The following AHDC1 variants were observed in gnomAD, a reference collection of about 807,000 sequenced individuals.
The protein encoded by AHDC1 is transcription factor Gibbin.
AHDC1 carries 7 observed loss-of-function variants against 87.9 expected under a neutral mutation model. The observed-to-expected ratio is 0.08, with a 90% CI of 0.05 to 0.15. The LOEUF (loss-of-function observed/expected upper bound fraction) is 0.15. Among genes scored for constraint, AHDC1 ranks in the 10% least tolerant of loss-of-function variants. The pLI is 1.00. For synonymous variants in AHDC1, 1,051 were observed against 1,006.8 expected (o/e 1.04, Z -0.83); for missense variants, 1,841 against 2,253.2 (o/e 0.82, Z 3.70).
At position 27,551,247 on chromosome 1, in the gene AHDC1, G is replaced by A. The variant is rs2019539750; in HGVS notation, c.869C>T (p.Pro290Leu). 2 of 1,609,808 alleles carry A rather than the reference G, an allele frequency of 1.2e-6. No individual in the cohort carries two copies. The highest frequency in any genetic ancestry group is 1.7e-6 in the Non-Finnish European group (2 of 1,179,674). Residue 290 changes from proline (P) to leucine (L), a missense_variant, in exon 8 of 9, where the codon CCG (proline) becomes CTG (leucine). Around this residue, in one of 13 missense-constraint regions of AHDC1, gnomAD observed 370 missense variants for 391.5 expected, o/e 0.95. Coordinates refer to ENST00000673934, the MANE Select transcript of AHDC1 (RefSeq NM_001371928.1). The stretch of plus-strand genomic sequence containing the variant: ...TGGCAGCTCCAGAGCTTCCCCGAGC[G>A]GCTCTAGTGCCTGCGGGTCCAGGAA... Reference protein sequence around the residue: ...PRFLDPQALEPLGEALELPPL... With the variant: ...PRFLDPQALELLGEALELPPL...
chr1:27,592,922 G>T (rs1310439268), intron 3 of AHDC1, among the ~76,000 whole-genome samples: 2 of 152,168 alleles, frequency 1.3e-5, no homozygotes, highest in African/African-American at 4.8e-5. Flanking sequence ...CAGCAGACGA[G>T]GAGGCGCAGG....
At position 27,562,283 on chromosome 1, in the gene AHDC1, G is replaced by A. The variant is rs114123741; in HGVS notation, c.-628-3400C>T. ...CGAGCCTGGGAGAGATAACAGGCCC[G>A]AATAGTGCTGACTTGCGGTTCAGAA... is the stretch of plus-strand genomic sequence containing the variant. On this transcript the variant is annotated intron_variant, in intron 3 of 8. Transcript: ENST00000673934. The surrounding 1 kb of genome is among the most constrained non-coding windows in gnomAD (Gnocchi z 4.4). Among the ~76,000 whole-genome samples, 1,378 of 152,232 alleles carry A rather than the reference G, an allele frequency of 9.1e-3. 20 individuals carry two copies. The highest frequency in any genetic ancestry group is 0.031 in the African/African-American group (1,289 of 41,546).
chr1:27,589,204 G>C (rs540231566), intron 3 of AHDC1, among the ~76,000 whole-genome samples: 82 of 152,270 alleles, frequency 5.4e-4, no homozygotes, highest in African/African-American at 1.9e-3. Flanking sequence ...CATGTCCCTA[G>C]GCAGGGAGGT....
In AHDC1 at chr1:27,549,115, C is replaced by A. The variant is rs772318314; in HGVS notation, c.3001G>T (p.Ala1001Ser). Residue 1001 changes from alanine to serine, a missense_variant, in exon 8 of 9, where the codon GCC becomes TCC. Transcript: ENST00000673934. ...DCANSKDCSF[A>S]YGSGNSLPAS... is the part of the protein sequence containing the mutation. Reference sequence around the variant, plus strand: ...GGGAGGCTGTTGCCACTGCCATAGGCGAAGCTGCAGTCCTTGCTGTTAGCG... The same window carrying A: ...GGGAGGCTGTTGCCACTGCCATAGGAGAAGCTGCAGTCCTTGCTGTTAGCG... The A allele has an allele frequency of 3.9e-6, 6 of 1,552,394 alleles. No individual in the cohort carries two copies. Among genetic ancestry groups the A allele is most frequent in the Non-Finnish European group, 5.2e-6 (6 of 1,147,704 alleles).
At chr1:27,592,431 CAGG>C (rs1381129546) in intron 3 of AHDC1, among the ~76,000 whole-genome samples, 4 of 152,162 alleles carry the variant, frequency 2.6e-5, no homozygotes, top group Non-Finnish European at 5.9e-5. Flanking sequence ...GGGTGGGGGA[CAGG>C]AGATGGGGAG....
intron 3 of AHDC1, among the ~76,000 whole-genome samples, chr1:27,600,466 A>T (rs562080363): frequency 1.3e-5 from 2 of 151,862 alleles, no homozygotes; most frequent in Non-Finnish European, 2.9e-5. Context: ...ACAAACCAAA[A>T]AAAAAAAACA....
At position 27,549,507 on chromosome 1, in the gene AHDC1, G is replaced by A. The variant is rs1034800628; in HGVS notation, c.2609C>T (p.Thr870Ile). The A allele has an allele frequency of 7.4e-6, 12 of 1,613,180 alleles. No individual in the cohort carries two copies. The highest frequency in any genetic ancestry group is 1.0e-5 in the Non-Finnish European group (12 of 1,179,986). Reference sequence around the variant, plus strand: ...GGCACTGGTGGGTGGCCCTGCATAGGTGCCCGATGCCTTCCGGGACTCTGG... The same window carrying A: ...GGCACTGGTGGGTGGCCCTGCATAGATGCCCGATGCCTTCCGGGACTCTGG... ...SRPESRKASGTYAGPPTSALP... is the reference protein window; with the variant it reads ...SRPESRKASGIYAGPPTSALP... Residue 870 changes from threonine to isoleucine, a missense_variant, in exon 8 of 9, where the codon ACC becomes ATC. By Grantham distance (89) the Thr-to-Ile change is moderately conservative. This residue lies in a region of AHDC1 where 378 missense variants were observed against 399.0 expected (regional missense o/e 0.95). Transcript: ENST00000673934.
intron 3 of AHDC1, among the ~76,000 whole-genome samples, chr1:27,579,104 G>A (rs1442975564): frequency 6.6e-6 from 1 of 150,878 alleles, no homozygotes; most frequent in African/African-American, 2.4e-5. Context: ...GAGTGCAGCG[G>A]TATAATCACA....
chr1:27,569,270 T>C (rs1571289340), intron 3 of AHDC1, among the ~76,000 whole-genome samples: 1 of 152,082 alleles, frequency 6.6e-6, no homozygotes, highest in East Asian at 1.9e-4. Flanking sequence ...CAATAAGGCT[T>C]GTTAAGGTTA....
At chr1:27,591,129 T>A (rs957854210) in intron 3 of AHDC1, among the ~76,000 whole-genome samples, 1 of 152,154 alleles carries the variant, frequency 6.6e-6, no homozygotes, top group African/African-American at 2.4e-5. Context: ...CCCAATGGGT[T>A]CCAAAGGGAG....
chr1:27,556,997 C>T (rs1340191625), intron 5 of AHDC1, among the ~76,000 whole-genome samples: 1 of 145,614 alleles, frequency 6.9e-6, no homozygotes, highest in Non-Finnish European at 1.5e-5. Flanking sequence ...CCCCCCACAG[C>T]ACAGCACAGC....
Position 27,551,987 on chromosome 1 carries a change from G to A in AHDC1, c.129C>T (p.Pro43=), listed in dbSNP as rs754191469. 9 of 1,473,070 alleles carry A rather than the reference G, an allele frequency of 6.1e-6. No individual in the cohort carries two copies. The highest frequency in any genetic ancestry group is 2.5e-5 in the East Asian group (1 of 40,764). 91.2% of individuals were successfully genotyped at this position (1,473,070 alleles called of 1,614,324 possible). The change falls in exon 8 of 9, where the codon CCC becomes CCT. Residue 43 remains proline, a synonymous_variant. Coordinates refer to ENST00000673934, the MANE Select transcript of AHDC1 (RefSeq NM_001371928.1). ...AGGCCTTGTCAGGTGGGCTGGCAGGGGGCCGGGTGGGAAGCAGGGGCCGGG... is the reference window on the plus strand; with the variant it reads ...AGGCCTTGTCAGGTGGGCTGGCAGGAGGCCGGGTGGGAAGCAGGGGCCGGG... ...PTPRPLLPTR[P]PASPPDKAFS... is the part of the protein sequence containing the mutation.
Position 27,551,057 on chromosome 1 carries a change from G to C in AHDC1, c.1059C>G (p.Pro353=). Residue 353 remains proline, a synonymous_variant, in exon 8 of 9, where the codon CCC becomes CCG. Coordinates refer to ENST00000673934, the MANE Select transcript of AHDC1 (RefSeq NM_001371928.1). ...VPGRRLEPQQ[P]LGHCPLAEPL... Reference sequence around the variant, plus strand: ...GCTCGGCCAGTGGGCAGTGCCCCAGGGGCTGCTGGGGCTCCAGACGGCGAC... The same window carrying C: ...GCTCGGCCAGTGGGCAGTGCCCCAGCGGCTGCTGGGGCTCCAGACGGCGAC... The C allele has an allele frequency of 6.4e-7, 1 of 1,557,986 alleles. No homozygotes were observed. The highest frequency in any genetic ancestry group is 8.7e-7 in the Non-Finnish European group (1 of 1,153,892).
intron 3 of AHDC1, among the ~76,000 whole-genome samples, chr1:27,569,652 C>G (rs888290588): frequency 1.3e-5 from 2 of 152,198 alleles, no homozygotes; most frequent in African/African-American, 2.4e-5. Flanking sequence ...AGCCCTGATG[C>G]TGGCCGTCAG....
At chr1:27,594,480 C>T (rs1472551566) in intron 3 of AHDC1, among the ~76,000 whole-genome samples, 1 of 152,220 alleles carries the variant, frequency 6.6e-6, no homozygotes, top group Admixed American at 6.5e-5. Flanking sequence ...TGACCAGGTG[C>T]CAAGGGGCTC....
chr1:27,583,131 G>A (rs971522648), intron 3 of AHDC1, among the ~76,000 whole-genome samples: 2 of 152,142 alleles, frequency 1.3e-5, no homozygotes, highest in Non-Finnish European at 2.9e-5. Flanking sequence ...ACCTCCCAAA[G>A]TGCTGGGATT....
Position 27,595,012 on chromosome 1 carries a change from C to T in AHDC1, c.-629+8385G>A, listed in dbSNP as rs2089329156. Among the ~76,000 whole-genome samples the T allele has an allele frequency of 6.6e-6, 1 of 151,852 alleles. No individual in the cohort carries two copies. Among genetic ancestry groups the T allele is most frequent in the South Asian group, 2.1e-4 (1 of 4,816 alleles). ...CTGTCTGGGAAGCGGTGGGGCCGGG[C>T]CATTAGGACTGCCTGTCGAGGAGGT... On this transcript the variant is annotated intron_variant, in intron 3 of 8. Transcript: ENST00000673934. This position sits in a 1 kb window ranked among gnomAD's most constrained non-coding sequence, Gnocchi z 4.0.
chr1:27,569,938 G>A (rs2020496125), intron 3 of AHDC1, among the ~76,000 whole-genome samples: 1 of 152,080 alleles, frequency 6.6e-6, no homozygotes, highest in African/African-American at 2.4e-5. Flanking sequence ...TCTGGCTAGG[G>A]AGAAGGATCG....
chr1:27,549,241 T>G lies in AHDC1; in HGVS notation c.2875A>C (p.Thr959Pro), dbSNP rs1435686839. 6.2e-7 allele frequency: 1 copy of G among 1,603,798 alleles called. No homozygotes were observed. The highest frequency in any genetic ancestry group is 8.5e-7 in the Non-Finnish European group (1 of 1,174,250). ...PPPSAMARSP[T>P]THPPANTYLP... Reference sequence around the variant, plus strand: ...TAGGTGTTGGCAGGCGGGTGGGTGGTAGGTGAGCGGGCCATGGCTGAGGGC... The same window carrying G: ...TAGGTGTTGGCAGGCGGGTGGGTGGGAGGTGAGCGGGCCATGGCTGAGGGC... Residue 959 changes from threonine (T) to proline (P), a missense_variant, in exon 8 of 9, where the codon ACC becomes CCC. By Grantham distance (38) the Thr-to-Pro change is conservative. Coordinates refer to ENST00000673934, the MANE Select transcript of AHDC1 (RefSeq NM_001371928.1).
Sources: allele counts gnomAD v4.1 joint callset (sites outside exome capture counted in the v4.1 genomes callset), GRCh38; gene constraint gnomAD v4.1.1; regional missense constraint gnomAD v4.1.1; non-coding constraint Gnocchi (gnomAD v3.1); transcripts MANE v1.5; gene names NCBI Gene and HGNC (gene_info 2026-07-23, HGNC 2026-07-21).